Variants in COL20A1 observed in about 807,000 individuals in gnomAD.
COL20A1 encodes collagen alpha-1(XX) chain.
COL20A1 carries 164 observed loss-of-function variants against 152.9 expected under a neutral mutation model. The observed-to-expected ratio is 1.07, with a 90% CI of 0.94 to 1.22. The LOEUF (loss-of-function observed/expected upper bound fraction) is 1.22. COL20A1 is among the 50% of genes most tolerant of loss of function. COL20A1 has a pLI of 0.00. For synonymous variants in COL20A1, 864 were observed against 756.0 expected (o/e 1.14, Z -2.34); for missense variants, 1,873 against 1,744.8 (o/e 1.07, Z -1.31).
chr20:63,294,802 G>C (rs890905628), intron 1 of COL20A1, among the ~76,000 whole-genome samples: 36 of 152,358 alleles, frequency 2.4e-4, no homozygotes, highest in African/African-American at 8.7e-4. Flanking sequence ...GGGGACAACT[G>C]GGGGCTGGGG....
chr20:63,304,627 G>C (rs111510068), intron 3 of COL20A1, among the ~76,000 whole-genome samples: 1 of 142,010 alleles, frequency 7.0e-6, no homozygotes. Context: ...CTCCAGCTGC[G>C]CAGATGTGGG....
chr20:63,303,320 C>G (rs1025792640), intron 3 of COL20A1, among the ~76,000 whole-genome samples: 6 of 152,130 alleles, frequency 3.9e-5, no homozygotes, highest in African/African-American at 1.4e-4. Flanking sequence ...CTCAGCCTCC[C>G]AAGTAGATGG....
chr20:63,320,123 A>T lies in COL20A1; in HGVS notation c.3001A>T (p.Ser1001Cys). 1.3e-6 allele frequency: 2 copies of T among 1,550,522 alleles called. No individual in the cohort carries two copies. The highest frequency in any genetic ancestry group is 1.2e-5 in the South Asian group (1 of 84,558). The change falls in exon 24 of 36, where the codon AGC becomes TGC. Residue 1001 changes from serine (S) to cysteine (C), a missense_variant. Physicochemically the swap from Ser to Cys is moderately radical, Grantham distance 112. Transcript: ENST00000358894. Reference protein sequence around the residue: ...VAERPLGEMGSPPAAGFVTLG... With the variant: ...VAERPLGEMGCPPAAGFVTLG... The stretch of plus-strand genomic sequence containing the variant: ...TGAGCGGCCCCTTGGGGAGATGGGC[A>T]GCCCACCCGCTGCGGGCTTCGTCAC...
chr20:63,311,578 T>TG lies in COL20A1; in HGVS notation c.1539+43dup, dbSNP rs1214231156. 1 of 1,607,048 alleles carries TG rather than the reference T, an allele frequency of 6.2e-7. No homozygotes were observed. Among genetic ancestry groups the TG allele is most frequent in the East Asian group, 2.2e-5 (1 of 44,690 alleles). On this transcript the variant is annotated intron_variant, in intron 12 of 35. Coordinates refer to ENST00000358894, the MANE Select transcript of COL20A1 (RefSeq NM_020882.4). The surrounding 1 kb of genome is among the most constrained non-coding windows in gnomAD (Gnocchi z 4.4). The stretch of plus-strand genomic sequence containing the variant: ...GGGGGTGGCGGGGGAGGCAGAGGAG[T>TG]GGGGCAGAGCGAGTGGGGGCTGGCC...
intron 8 of COL20A1, 117 bp from the exon 9 acceptor site, chr20:63,309,216 G>A (rs950010470): frequency 2.1e-5 from 17 of 791,764 alleles, no homozygotes; most frequent in African/African-American, 7.2e-5. Context: ...CAGGTGGGCC[G>A]AGTACAGCCC....
At position 63,305,335 on chromosome 20, in the gene COL20A1, C is replaced by T; in HGVS notation, c.194-82C>T. 1 of 1,215,824 alleles carries T rather than the reference C, an allele frequency of 8.2e-7. No individual in the cohort carries two copies. The highest frequency in any genetic ancestry group is 1.1e-6 in the Non-Finnish European group (1 of 931,478). 75.3% of individuals were successfully genotyped at this position (1,215,824 alleles called of 1,614,324 possible). ...GAGCAGCTGGGGTGGGGAGGAGGAG[C>T]CAAGAGGGTTTCACTCCCCGCCGTG... On this transcript the variant is annotated intron_variant, in intron 3 of 35. Transcript: ENST00000358894. The surrounding 1 kb of genome is among the most constrained non-coding windows in gnomAD (Gnocchi z 4.9).
intron 3 of COL20A1, among the ~76,000 whole-genome samples, chr20:63,300,746 T>C (rs2123377913): frequency 6.6e-6 from 1 of 152,368 alleles, no homozygotes; most frequent in Non-Finnish European, 1.5e-5. Flanking sequence ...CTTAAGTTCA[T>C]TGATTTTCTG....
chr20:63,295,661 C>G (rs538375257), intron 2 of COL20A1, among the ~76,000 whole-genome samples: 154 of 152,348 alleles, frequency 1.0e-3, no homozygotes, highest in African/African-American at 3.5e-3. Flanking sequence ...CAGAAGGCCC[C>G]TCCAGTCTGG....
Position 63,311,612 on chromosome 20 carries a change from C to T in COL20A1, c.1540-13C>T. 1 of 1,610,414 alleles carries T rather than the reference C, an allele frequency of 6.2e-7. No individual in the cohort carries two copies. Among genetic ancestry groups the T allele is most frequent in the Non-Finnish European group, 8.5e-7 (1 of 1,179,624 alleles). ...GCGAGTGGGGGCTGGCCTGGGACGT[C>T]ATGTCTCTGCAGGTGCAGGTCGGGC... On this transcript the variant is annotated splice_polypyrimidine_tract_variant and intron_variant, in intron 12 of 35. Coordinates refer to ENST00000358894, the MANE Select transcript of COL20A1 (RefSeq NM_020882.4). This position sits in a 1 kb window ranked among gnomAD's most constrained non-coding sequence, Gnocchi z 4.4.
At chr20:63,296,756 C>A (rs1186405007) in intron 2 of COL20A1, among the ~76,000 whole-genome samples, 1 of 152,180 alleles carries the variant, frequency 6.6e-6, no homozygotes, top group Admixed American at 6.5e-5. Context: ...ATCCCCCACA[C>A]ATTCCTGCCT....
At chr20:63,321,268 A>C (rs1443392224) in intron 26 of COL20A1, among the ~76,000 whole-genome samples, 169 bp downstream of exon 26, 1 of 151,874 alleles carries the variant, frequency 6.6e-6, no homozygotes, top group Admixed American at 6.6e-5. Context: ...GCCCTGGGCC[A>C]GGAGACAGAG....
chr20:63,298,324 T>C (rs1263480305), intron 3 of COL20A1, among the ~76,000 whole-genome samples: 3 of 152,228 alleles, frequency 2.0e-5, no homozygotes, highest in Admixed American at 6.5e-5. Context: ...AGGGTCTTGC[T>C]GTGTTGCCCA....
intron 1 of COL20A1, among the ~76,000 whole-genome samples, 198 bp downstream of exon 1, chr20:63,293,473 G>C (rs552130926): frequency 1.6e-4 from 24 of 152,310 alleles, no homozygotes; most frequent in African/African-American, 5.8e-4. Context: ...GCCCGGGGCT[G>C]CCTGAGCTCT....
intron 25 of COL20A1, 104 bp downstream of exon 25, chr20:63,320,472 G>A (rs2068147421): frequency 1.8e-6 from 2 of 1,137,082 alleles, no homozygotes; most frequent in African/African-American, 3.0e-5. Flanking sequence ...TTGTCACCGT[G>A]CTGGGAGAGA....
intron 19 of COL20A1, 72 bp from the exon 20 acceptor site, chr20:63,315,332 C>A: frequency 7.0e-7 from 1 of 1,432,892 alleles, no homozygotes; most frequent in Non-Finnish European, 9.5e-7. Context: ...GAAGTGGCCC[C>A]TCCCCAGCGG....
chr20:63,328,105 C>G lies in COL20A1; in HGVS notation c.3591C>G (p.Leu1197=), dbSNP rs2068278820. ...EKGEPQSLAT[L]YQLVSQASHV... The stretch of plus-strand genomic sequence containing the variant: ...GCGAGCCGCAGTCCCTTGCCACCCT[C>G]TACCAGCTTGTGAGCCAGGCCTGTG... The change falls in exon 33 of 36, where the codon CTC becomes CTG. Residue 1197 remains leucine (L), a synonymous_variant. Transcript: ENST00000358894. The G allele has an allele frequency of 6.2e-7, 1 of 1,613,216 alleles. No homozygotes were observed. The highest frequency in any genetic ancestry group is 1.7e-5 in the Admixed American group (1 of 59,992).
rs931808169 is a variant in COL20A1, at chr20:63,331,307, G to T, written c.*591G>T. On this transcript the variant is annotated 3_prime_UTR_variant, in exon 36 of 36. Transcript: ENST00000358894. ...CACCTTCACATCTGGGCACAGGCAG[G>T]TCCCTGCCTGCCTCATCGTCCCCTC... The T allele has an allele frequency of 5.3e-5, 8 of 152,234 alleles. No homozygotes were observed. The highest frequency in any genetic ancestry group is 1.9e-4 in the African/African-American group (8 of 41,420). The allele number at this position is 152,234 out of a possible 1,614,324, so 9.4% of individuals were successfully genotyped here.
In COL20A1 at chr20:63,309,356, G is replaced by A; in HGVS notation, c.964G>A (p.Glu322Lys). The part of the protein sequence containing the change: ...AVGVKNADEA[E>K]LRLLASPPRD... ...AGGTGTGAAGAACGCCGATGAGGCT[G>A]AGCTGAGGCTCCTGGCGTCCCCGCC... Residue 322 changes from glutamate to lysine, a missense_variant, in exon 9 of 36, where the codon GAG (glutamate) becomes AAG (lysine). Glu to Lys is a moderately conservative substitution (Grantham distance 56). Transcript: ENST00000358894. 1 of 1,527,286 alleles carries A rather than the reference G, an allele frequency of 6.5e-7. No homozygotes were observed. 94.6% of individuals were successfully genotyped at this position (1,527,286 alleles called of 1,614,324 possible). A position where few individuals can be genotyped will look rare whatever the true frequency, so the allele number is the denominator to read the frequency against.
intron 2 of COL20A1, among the ~76,000 whole-genome samples, chr20:63,297,034 A>G (rs536157380): frequency 6.6e-6 from 1 of 152,258 alleles, no homozygotes; most frequent in East Asian, 1.9e-4. Context: ...GATGGCCTGG[A>G]CACCCATCCC....
Sources: allele counts gnomAD v4.1 joint callset (sites outside exome capture counted in the v4.1 genomes callset), GRCh38; gene constraint gnomAD v4.1.1; non-coding constraint Gnocchi (gnomAD v3.1); transcripts MANE v1.5; gene names NCBI Gene and HGNC (gene_info 2026-07-23, HGNC 2026-07-21).